Variants in NEK7 observed in about 807,000 individuals in gnomAD.
NEK7 encodes the protein NIMA related kinase 7.
In NEK7, 18 loss-of-function variants were observed where a neutral mutation model predicts 44.6. That is an observed-to-expected ratio of 0.40 (90% CI 0.28 to 0.60). The LOEUF is 0.60. Ranked by LOEUF, NEK7 falls within the 20% of genes least tolerant of loss-of-function variation. The pLI is 0.38. For synonymous variants in NEK7, 130 were observed against 121.1 expected, an observed-to-expected ratio of 1.07 and a Z score of -0.48; for missense variants, 256 against 366.5, an observed-to-expected ratio of 0.70 and a Z score of 2.46.
At chr1:198,232,718 C>T (rs1666434612) in intron 2 of NEK7, 81 bp downstream of exon 2, 4 of 758,730 alleles carry the variant, frequency 5.3e-6, no homozygotes, top group South Asian at 4.0e-5. Flanking sequence ...ATTTACAGTT[C>T]CTTTAGGAAA....
intron 5 of NEK7, among the ~76,000 whole-genome samples, chr1:198,272,226 A>G (rs1462545804): frequency 6.6e-6 from 1 of 151,780 alleles, no homozygotes. Flanking sequence ...GTGATGTACG[A>G]ACTTTGAACT....
At chr1:198,302,442 CTGATAA>C (rs1382531643) in intron 9 of NEK7, among the ~76,000 whole-genome samples, 1 of 151,008 alleles carries the variant, frequency 6.6e-6, no homozygotes, top group African/African-American at 2.4e-5. Flanking sequence ...GCAGTGCAGC[CTGATAA>C]TATCTTTTCT....
intron 9 of NEK7, among the ~76,000 whole-genome samples, chr1:198,304,284 T>A (rs1266063611): frequency 3.3e-5 from 5 of 152,200 alleles, no homozygotes; most frequent in South Asian, 2.1e-4. Context: ...TTACCTTATA[T>A]CTGTGTAAGA....
chr1:198,192,912 A>G (rs1215300031), intron 1 of NEK7, among the ~76,000 whole-genome samples: 1 of 152,148 alleles, frequency 6.6e-6, no homozygotes, highest in Non-Finnish European at 1.5e-5. Flanking sequence ...CTAGATAACC[A>G]AGAGCAAACA....
intron 2 of NEK7, among the ~76,000 whole-genome samples, chr1:198,252,387 A>C (rs1653043422): frequency 6.6e-6 from 1 of 151,564 alleles, no homozygotes; most frequent in Admixed American, 6.6e-5. Flanking sequence ...GATGTCTATT[A>C]GGTCTGCTTG....
At chr1:198,310,305 T>C (rs1328314145) in intron 9 of NEK7, among the ~76,000 whole-genome samples, 1 of 152,130 alleles carries the variant, frequency 6.6e-6, no homozygotes, top group Non-Finnish European at 1.5e-5. Context: ...GTTTTTTTCT[T>C]GTAGATTTGT....
chr1:198,318,455 T>G (rs528885788), intron 9 of NEK7, among the ~76,000 whole-genome samples: 1 of 152,332 alleles, frequency 6.6e-6, no homozygotes, highest in Admixed American at 6.5e-5. Flanking sequence ...GGTTGAAAGT[T>G]ATTTTATGGT....
At chr1:198,215,443 T>G (rs929577648) in intron 1 of NEK7, among the ~76,000 whole-genome samples, 1 of 152,212 alleles carries the variant, frequency 6.6e-6, no homozygotes, top group African/African-American at 2.4e-5. Flanking sequence ...ACACAAATTC[T>G]TAAACTTTCT....
intron 9 of NEK7, among the ~76,000 whole-genome samples, chr1:198,312,836 G>T (rs1353397924): frequency 2.6e-5 from 4 of 151,962 alleles, no homozygotes; most frequent in Non-Finnish European, 5.9e-5. Flanking sequence ...TTTTACATTT[G>T]CTGAGGAGAG....
chr1:198,272,953 G>A (rs919742968), intron 5 of NEK7, among the ~76,000 whole-genome samples: 2 of 151,688 alleles, frequency 1.3e-5, no homozygotes, highest in African/African-American at 4.8e-5. Flanking sequence ...TTCCCTCAAG[G>A]TGTAATTGCT....
intron 9 of NEK7, among the ~76,000 whole-genome samples, chr1:198,317,882 T>TGTTG (rs57928757): frequency 1.5e-3 from 204 of 133,920 alleles, no homozygotes; most frequent in African/African-American, 5.9e-3. Flanking sequence ...TATTTATTTT[T>TGTTG]TTTTTTTTTT....
chr1:198,251,222 A>AGTGCACCC (rs1324325217), intron 2 of NEK7, among the ~76,000 whole-genome samples: 2 of 151,864 alleles, frequency 1.3e-5, no homozygotes, highest in African/African-American at 2.4e-5. Context: ...CCCAGTGATG[A>AGTGCACCC]AGCCCACTTG....
chr1:198,318,210 G>A (rs1387727275), intron 9 of NEK7, among the ~76,000 whole-genome samples: 1 of 152,108 alleles, frequency 6.6e-6, no homozygotes, highest in Non-Finnish European at 1.5e-5. Context: ...TTTAATAGAT[G>A]AAGAAATGAA....
intron 9 of NEK7, among the ~76,000 whole-genome samples, chr1:198,306,340 A>G (rs1655025342): frequency 6.6e-6 from 1 of 152,166 alleles, no homozygotes; most frequent in Non-Finnish European, 1.5e-5. Context: ...GAGTCTTAGA[A>G]AAACTAATAA....
chr1:198,206,158 A>C (rs537628963), intron 1 of NEK7, among the ~76,000 whole-genome samples: 4 of 152,266 alleles, frequency 2.6e-5, no homozygotes, highest in Admixed American at 6.5e-5. Flanking sequence ...TTAAAAAAAA[A>C]CTGTAACTTT....
chr1:198,261,871 C>T (rs1010481142), intron 3 of NEK7, among the ~76,000 whole-genome samples: 1 of 151,794 alleles, frequency 6.6e-6, no homozygotes, highest in East Asian at 1.9e-4. Flanking sequence ...TCCTAATTAC[C>T]TCTACCCATG....
At chr1:198,194,789 T>G (rs1323488163) in intron 1 of NEK7, among the ~76,000 whole-genome samples, 2 of 152,234 alleles carry the variant, frequency 1.3e-5, no homozygotes, top group African/African-American at 2.4e-5. Flanking sequence ...CAGGAGCATG[T>G]GTCTTTATGA....
At chr1:198,292,924 A>AT in intron 7 of NEK7, 21 bp from the exon 8 acceptor site, 1 of 1,292,412 alleles carries the variant, frequency 7.7e-7, no homozygotes, top group Non-Finnish European at 1.1e-6. Context: ...CTCTTACTTT[A>AT]TTTGGTTTGT....
At chr1:198,187,183 A>G (rs902449260) in intron 1 of NEK7, among the ~76,000 whole-genome samples, 7 of 152,194 alleles carry the variant, frequency 4.6e-5, no homozygotes, top group African/African-American at 1.4e-4. Flanking sequence ...TCCTCTGGGT[A>G]GTTTAGCCTA....
Sources: allele counts gnomAD v4.1 joint callset (sites outside exome capture counted in the v4.1 genomes callset), GRCh38; gene constraint gnomAD v4.1.1; transcripts MANE v1.5; gene names NCBI Gene and HGNC (gene_info 2026-07-23, HGNC 2026-07-21).